The following CSMD1 variants were observed in gnomAD, a reference collection of about 807,000 sequenced individuals.
The protein encoded by CSMD1 is CUB and Sushi multiple domains 1, also known as CUB and sushi domain-containing protein 1.
In CSMD1, 213 loss-of-function variants were observed where a neutral mutation model predicts 417.5. The observed-to-expected ratio is 0.51, with a 90% CI of 0.46 to 0.57. The LOEUF (loss-of-function observed/expected upper bound fraction) is 0.57. CSMD1 is among the 20% of genes least tolerant of loss of function. The probability of loss-of-function intolerance (pLI) is 0.00; values close to 1 mark genes in which losing one functional copy is unlikely to be tolerated. For synonymous variants in CSMD1, 2,862 were observed against 1,736.8 expected, an observed-to-expected ratio of 1.65 and a Z score of -16.11; for missense variants, 6,923 against 4,529.7, an observed-to-expected ratio of 1.53 and a Z score of -15.17.
intron 5 of CSMD1, among the ~76,000 whole-genome samples, chr8:3,821,414 G>C (rs1801728532): frequency 6.6e-6 from 1 of 152,184 alleles, no homozygotes; most frequent in South Asian, 2.1e-4. Flanking sequence ...CGCGCATGTG[G>C]ATTATGCATT....
chr8:4,456,605 G>T (rs1010444324), intron 2 of CSMD1, among the ~76,000 whole-genome samples: 1 of 152,100 alleles, frequency 6.6e-6, no homozygotes, highest in Non-Finnish European at 1.5e-5. Context: ...AGGGATAGAA[G>T]AGTAGAGGCA....
At chr8:4,435,213 C>T (rs530444231) in intron 2 of CSMD1, among the ~76,000 whole-genome samples, 1 of 152,188 alleles carries the variant, frequency 6.6e-6, no homozygotes, top group African/African-American at 2.4e-5. Flanking sequence ...ATCAGCCAAT[C>T]TGATCTTTGG....
At chr8:4,137,881 T>G (rs1803529394) in intron 3 of CSMD1, among the ~76,000 whole-genome samples, 1 of 151,778 alleles carries the variant, frequency 6.6e-6, no homozygotes, top group South Asian at 2.1e-4. Context: ...TTTTAATTAA[T>G]TTATTTATTT....
chr8:3,298,649 T>C (rs1025310401), intron 25 of CSMD1, among the ~76,000 whole-genome samples: 16 of 152,180 alleles, frequency 1.1e-4, no homozygotes, highest in African/African-American at 3.4e-4. Context: ...AGACGGAGTT[T>C]CACCATGTTG....
In CSMD1 at chr8:3,616,696, A is replaced by G. The variant is rs780431329; in HGVS notation, c.1097+14T>C. 3 of 1,529,536 alleles carry G rather than the reference A, an allele frequency of 2.0e-6. No homozygotes were observed. The highest frequency in any genetic ancestry group is 9.1e-7 in the Non-Finnish European group (1 of 1,104,424). 94.7% of individuals were successfully genotyped at this position (1,529,536 alleles called of 1,614,324 possible). On this transcript the variant is annotated intron_variant, in intron 8 of 69. Transcript: ENST00000635120. ...AAATAACATGCTTTTTTCCACCACTATTGTATCTCTTACCTGAAGTCGGAA... is the reference window on the plus strand; with the variant it reads ...AAATAACATGCTTTTTTCCACCACTGTTGTATCTCTTACCTGAAGTCGGAA...
intron 3 of CSMD1, among the ~76,000 whole-genome samples, chr8:4,162,951 G>A (rs1200494689): frequency 2.6e-5 from 4 of 152,172 alleles, no homozygotes; most frequent in Non-Finnish European, 5.9e-5. Context: ...CTACAGTTCT[G>A]CCTTTTCCAA....
intron 2 of CSMD1, among the ~76,000 whole-genome samples, chr8:4,483,551 G>C (rs1801215579): frequency 6.6e-6 from 1 of 152,092 alleles, no homozygotes; most frequent in South Asian, 2.1e-4. Context: ...ACTTATATTG[G>C]TTTTCTCTCA....
intron 3 of CSMD1, among the ~76,000 whole-genome samples, chr8:4,083,601 T>C (rs1230861433): frequency 6.6e-6 from 1 of 152,178 alleles, no homozygotes; most frequent in Non-Finnish European, 1.5e-5. Flanking sequence ...AAGGATTCCC[T>C]ATTTAATTAA....
chr8:3,989,043 T>C (rs944241108), intron 5 of CSMD1, among the ~76,000 whole-genome samples: 1 of 152,244 alleles, frequency 6.6e-6, no homozygotes, highest in African/African-American at 2.4e-5. Context: ...AAAGTTTTTC[T>C]TTTTCATTGT....
intron 2 of CSMD1, among the ~76,000 whole-genome samples, chr8:4,493,311 T>G (rs1213162871): frequency 6.6e-6 from 1 of 152,182 alleles, no homozygotes; most frequent in African/African-American, 2.4e-5. Flanking sequence ...AGAGAGAGTT[T>G]GTGCGTGTGT....
intron 52 of CSMD1, among the ~76,000 whole-genome samples, chr8:3,015,842 G>C (rs1377306858): frequency 6.6e-6 from 1 of 152,114 alleles, no homozygotes. Context: ...TGATAGGCGA[G>C]AGCGTGTCAG....
At chr8:3,137,940 C>A (rs562587284) in intron 41 of CSMD1, among the ~76,000 whole-genome samples, 1 of 152,254 alleles carries the variant, frequency 6.6e-6, no homozygotes, top group South Asian at 2.1e-4. Flanking sequence ...ACAACAATAT[C>A]CCGGCTGGGC....
At chr8:3,571,082 T>C (rs1799923436) in intron 10 of CSMD1, among the ~76,000 whole-genome samples, 1 of 152,212 alleles carries the variant, frequency 6.6e-6, no homozygotes. Flanking sequence ...TTCAGTCTTT[T>C]AAAACTCTGT....
intron 3 of CSMD1, among the ~76,000 whole-genome samples, chr8:4,077,452 T>G (rs933530299): frequency 4.6e-5 from 7 of 151,800 alleles, no homozygotes; most frequent in African/African-American, 1.5e-4. Flanking sequence ...ATCCTATACA[T>G]ATCATTACTC....
chr8:3,373,705 C>A (rs1810121232), intron 18 of CSMD1: 1 of 152,124 alleles, frequency 6.6e-6, no homozygotes, highest in African/African-American at 2.4e-5. Context: ...TTTCTTCATG[C>A]ACGGTAGATC....
chr8:3,331,043 T>G (rs2730042), intron 23 of CSMD1, among the ~76,000 whole-genome samples: 127,613 of 151,870 alleles, frequency 0.84, 53,963 homozygotes, highest in Non-Finnish European at 0.89. Context: ...CAGGTCAGGA[T>G]ATCGAGACCA....
chr8:4,295,281 CACATATAATCTTAA>C, intron 3 of CSMD1, among the ~76,000 whole-genome samples: 8 of 101,812 alleles, frequency 7.9e-5, no homozygotes, highest in African/African-American at 2.5e-4. Context: ...AGATTATATG[CACATATAATCTTAA>C]GATTATCTAT....
chr8:4,729,093 A>T (rs533258435), intron 1 of CSMD1, among the ~76,000 whole-genome samples: 1 of 152,202 alleles, frequency 6.6e-6, no homozygotes, highest in African/African-American at 2.4e-5. Context: ...TCAGCCCTAA[A>T]TTATTTCCAT....
rs569729159 is a variant in CSMD1 at position 3,175,084 on chromosome 8, T to C, written c.5725+6026A>G. ...CAAAATTATCTACATATGTTAATAA[T>C]TGCAAAATATAAAAGTGTGAATCAA... On this transcript the variant is annotated intron_variant, in intron 37 of 69. Coordinates refer to ENST00000635120, the MANE Select transcript of CSMD1 (RefSeq NM_033225.6). Among the ~76,000 whole-genome samples the C allele has an allele frequency of 5.3e-4, 81 of 152,306 alleles. 1 individual carries two copies. The South Asian group carries it at 6.6e-3, about 12-fold the overall frequency.
Sources: allele counts gnomAD v4.1 joint callset (sites outside exome capture counted in the v4.1 genomes callset), GRCh38; gene constraint gnomAD v4.1.1; transcripts MANE v1.5; gene names NCBI Gene and HGNC (gene_info 2026-07-23, HGNC 2026-07-21).